The following RASAL2 variants were observed in gnomAD, a reference collection of about 807,000 sequenced individuals.
The protein encoded by RASAL2 is ras GTPase-activating protein nGAP.
RASAL2 carries 58 observed loss-of-function variants against 128.9 expected under a neutral mutation model. The ratio of observed to expected loss-of-function variants is 0.45; its 90% CI spans 0.36 to 0.56. The LOEUF is 0.56. Ranked by LOEUF, RASAL2 falls within the 20% of genes least tolerant of loss-of-function variation. RASAL2 has a pLI of 0.00. For missense variants in RASAL2, 1,360 were observed against 1,601.6 expected (o/e 0.85, Z 2.57); for synonymous variants, 561 against 580.8 (o/e 0.97, Z 0.49).
In RASAL2 at chr1:178,094,596, A is replaced by G; in HGVS notation, c.104A>G (p.Asp35Gly). The change falls in exon 1 of 18, where the codon GAC becomes GGC. Residue 35 changes from aspartate to glycine, a missense_variant. Asp to Gly is a moderately conservative substitution (Grantham distance 94). Transcript: ENST00000367649. ...SDSPLPPEDL[D>G]AVVPVSGAVA... ...TCGCCGCTGCCCCCGGAGGACCTGGACGCGGTTGTCCCAGTCAGTGGAGCC... is the reference window on the plus strand; with the variant it reads ...TCGCCGCTGCCCCCGGAGGACCTGGGCGCGGTTGTCCCAGTCAGTGGAGCC... The G allele has an allele frequency of 6.2e-7, 1 of 1,611,652 alleles. No individual in the cohort carries two copies. Among genetic ancestry groups the G allele is most frequent in the Non-Finnish European group, 8.5e-7 (1 of 1,179,106 alleles).
At chr1:178,173,213 G>A (rs1204987530) in intron 1 of RASAL2, among the ~76,000 whole-genome samples, 1 of 152,046 alleles carries the variant, frequency 6.6e-6, no homozygotes, top group Non-Finnish European at 1.5e-5. Context: ...ATTCCAATGT[G>A]CCACCTACGG....
At chr1:178,473,026 G>T in intron 17 of RASAL2, 49 bp from the exon 18 acceptor site, 1 of 1,599,134 alleles carries the variant, frequency 6.3e-7, no homozygotes, top group Non-Finnish European at 8.6e-7. Context: ...AAGAAAGCGT[G>T]TTACCTCCTG....
intron 3 of RASAL2, among the ~76,000 whole-genome samples, chr1:178,339,102 A>G (rs920414613): frequency 6.6e-6 from 1 of 152,338 alleles, no homozygotes; most frequent in South Asian, 2.1e-4. Flanking sequence ...GGGCCATAGC[A>G]TATCTATTTT....
intron 11 of RASAL2, 141 bp from the exon 12 acceptor site, chr1:178,454,306 T>C: frequency 1.6e-6 from 1 of 621,428 alleles, no homozygotes. Flanking sequence ...TGTTATAACA[T>C]TTATCACTTA....
At chr1:178,148,803 G>A (rs1317053040) in intron 1 of RASAL2, among the ~76,000 whole-genome samples, 3 of 152,108 alleles carry the variant, frequency 2.0e-5, no homozygotes, top group Admixed American at 1.3e-4. Flanking sequence ...GCTACTCAAA[G>A]TTGTTACTGT....
At chr1:178,217,311 C>T (rs1663454703) in intron 1 of RASAL2, among the ~76,000 whole-genome samples, 1 of 152,088 alleles carries the variant, frequency 6.6e-6, no homozygotes, top group South Asian at 2.1e-4. Context: ...ATTTGGTTGA[C>T]AGAAAAAATG....
chr1:178,250,961 A>G (rs1665028805), intron 1 of RASAL2, among the ~76,000 whole-genome samples: 1 of 152,184 alleles, frequency 6.6e-6, no homozygotes, highest in Admixed American at 6.5e-5. Context: ...GCTAGCTAGC[A>G]TTTAGTAAGT....
intron 1 of RASAL2, among the ~76,000 whole-genome samples, chr1:178,184,391 G>GT (rs34012316): frequency 0.61 from 90,462 of 148,458 alleles, 30,644 homozygotes; most frequent in East Asian, 0.8. Flanking sequence ...AATTTTTCCT[G>GT]TTTTTTTTTT....
At chr1:178,105,236 T>A (rs1659043951) in intron 1 of RASAL2, among the ~76,000 whole-genome samples, 1 of 152,204 alleles carries the variant, frequency 6.6e-6, no homozygotes, top group Admixed American at 6.5e-5. Context: ...TAATTTAAAA[T>A]CTTTTCTTCA....
intron 1 of RASAL2, among the ~76,000 whole-genome samples, chr1:178,222,648 ATATT>A (rs1301465299): frequency 6.6e-6 from 1 of 152,148 alleles, no homozygotes; most frequent in Non-Finnish European, 1.5e-5. Flanking sequence ...GGTTATGAGA[ATATT>A]TATTTTCTAA....
At chr1:178,464,831 G>GTTTTTTTTTTTTTTTTTTTTTTTTTTC (rs986789340) in intron 15 of RASAL2, among the ~76,000 whole-genome samples, 1 of 38,198 alleles carries the variant, frequency 2.6e-5, no homozygotes, top group African/African-American at 1.2e-4. Flanking sequence ...GGTTTTAGTT[G>GTTTTTTTTTTTTTTTTTTTTTTTTTTC]TTTTTTTTTT....
intron 15 of RASAL2, among the ~76,000 whole-genome samples, 157 bp from the exon 16 acceptor site, chr1:178,465,763 C>T (rs1260302414): frequency 6.6e-6 from 1 of 150,416 alleles, no homozygotes; most frequent in Non-Finnish European, 1.5e-5. Flanking sequence ...AATGACAGCA[C>T]AGCCAGCATC....
chr1:178,463,368 T>G (rs1647312424), intron 14 of RASAL2, among the ~76,000 whole-genome samples: 1 of 152,202 alleles, frequency 6.6e-6, no homozygotes, highest in Admixed American at 6.5e-5. Flanking sequence ...TATCTAATGC[T>G]AGTTTTTGAA....
chr1:178,443,298 A>G (rs1031986766), intron 8 of RASAL2, 69 bp downstream of exon 8: 2 of 1,345,834 alleles, frequency 1.5e-6, no homozygotes, highest in Non-Finnish European at 1.0e-6. Context: ...AGATATGGAT[A>G]TTGTAGAAAT....
intron 1 of RASAL2, among the ~76,000 whole-genome samples, chr1:178,249,602 C>T (rs1392225473): frequency 1.3e-5 from 2 of 151,968 alleles, no homozygotes; most frequent in Admixed American, 6.6e-5. Flanking sequence ...GAGTTGTGAT[C>T]ATTTGGAGAA....
intron 6 of RASAL2, among the ~76,000 whole-genome samples, chr1:178,440,431 T>C (rs1676557288): frequency 6.6e-6 from 1 of 152,132 alleles, no homozygotes; most frequent in South Asian, 2.1e-4. Context: ...TGTTTCCTTT[T>C]TTTTTAAAAC....
intron 3 of RASAL2, among the ~76,000 whole-genome samples, chr1:178,303,740 C>T (rs1667869232): frequency 6.6e-6 from 1 of 151,692 alleles, no homozygotes; most frequent in Admixed American, 6.6e-5. Context: ...CTATAATGAA[C>T]AAAGGGCTTT....
At chr1:178,237,053 C>T (rs1371275477) in intron 1 of RASAL2, among the ~76,000 whole-genome samples, 2 of 152,022 alleles carry the variant, frequency 1.3e-5, no homozygotes, top group Middle Eastern at 3.2e-3. Context: ...TGTGAGCCAG[C>T]GCGCCCAGCC....
Position 178,094,636 on chromosome 1 carries a change from G to A in RASAL2, c.144G>A (p.Met48Ile). The A allele has an allele frequency of 6.2e-7, 1 of 1,614,034 alleles. No individual in the cohort carries two copies. The highest frequency in any genetic ancestry group is 8.5e-7 in the Non-Finnish European group (1 of 1,180,018). Reference sequence around the variant, plus strand: ...TCAGTGGAGCCGTCGCCGGTGGCATGTTGGATCGGATCCTTCTGGAGTCCG... The same window carrying A: ...TCAGTGGAGCCGTCGCCGGTGGCATATTGGATCGGATCCTTCTGGAGTCCG... ...VPVSGAVAGG[M>I]LDRILLESVC... Residue 48 changes from methionine (M) to isoleucine (I), a missense_variant, in exon 1 of 18, where the codon ATG becomes ATA. Coordinates refer to ENST00000367649, the MANE Select transcript of RASAL2 (RefSeq NM_170692.4).
Sources: gnomAD v4.1 joint callset for allele counts (sites outside exome capture counted in the v4.1 genomes callset) on GRCh38, gnomAD v4.1.1 for gene constraint, MANE v1.5 for transcripts, NCBI Gene and HGNC (gene_info 2026-07-23, HGNC 2026-07-21) for gene names.